Variants in EDIL3 observed in about 807,000 individuals in gnomAD.
EDIL3 encodes EGF-like repeat and discoidin I-like domain-containing protein 3.
In EDIL3, 37 loss-of-function variants were observed where a neutral mutation model predicts 67.4. The ratio of observed to expected loss-of-function variants is 0.55; its 90% CI spans 0.42 to 0.72. The LOEUF is 0.72. Ranked by LOEUF, EDIL3 falls within the 30% of genes least tolerant of loss-of-function variation. The probability of loss-of-function intolerance (pLI) is 0.00; values close to 1 mark genes in which losing one functional copy is unlikely to be tolerated. For synonymous variants in EDIL3, 195 were observed against 196.3 expected (o/e 0.99, Z 0.05); for missense variants, 527 against 586.3 (o/e 0.90, Z 1.04).
chr5:84,102,869 AAAT>A (rs1435938261), intron 6 of EDIL3, among the ~76,000 whole-genome samples: 3 of 151,962 alleles, frequency 2.0e-5, no homozygotes, highest in Non-Finnish European at 1.5e-5. Context: ...CAGAATTAGA[AAAT>A]ACTATCTTAA....
At chr5:84,109,394 T>C (rs1271438977) in intron 5 of EDIL3, among the ~76,000 whole-genome samples, 1 of 152,032 alleles carries the variant, frequency 6.6e-6, no homozygotes, top group Non-Finnish European at 1.5e-5. Flanking sequence ...TAGTCCCAGC[T>C]ACTCAGGAGG....
chr5:83,993,323 C>T (rs74772126), intron 9 of EDIL3, among the ~76,000 whole-genome samples: 4,557 of 152,238 alleles, frequency 0.03, 100 homozygotes, highest in Middle Eastern at 0.048. Context: ...CAGACAAAAG[C>T]CACTGTGCCT....
intron 9 of EDIL3, chr5:84,048,235 G>T (rs1006373186): frequency 4.5e-6 from 2 of 441,842 alleles, no homozygotes; most frequent in Middle Eastern, 6.7e-4. Flanking sequence ...CAGTGGCCTG[G>T]TGGTCACTTA....
At chr5:83,992,113 T>A (rs1745160292) in intron 9 of EDIL3, among the ~76,000 whole-genome samples, 1 of 152,146 alleles carries the variant, frequency 6.6e-6, no homozygotes, top group Non-Finnish European at 1.5e-5. Flanking sequence ...AGTGATTCAA[T>A]CATGCAAGAA....
At chr5:83,961,448 T>A (rs1336777374) in intron 10 of EDIL3, among the ~76,000 whole-genome samples, 1 of 151,156 alleles carries the variant, frequency 6.6e-6, no homozygotes, top group Non-Finnish European at 1.5e-5. Context: ...ATAAGAAAAA[T>A]TAAATTACTC....
intron 2 of EDIL3, among the ~76,000 whole-genome samples, chr5:84,246,360 A>G (rs1744909734): frequency 6.6e-6 from 1 of 152,216 alleles, no homozygotes; most frequent in Admixed American, 6.5e-5. Flanking sequence ...TCAGTTAACC[A>G]TCTTCTATCC....
At chr5:84,250,354 C>T (rs1019180316) in intron 2 of EDIL3, among the ~76,000 whole-genome samples, 1 of 152,034 alleles carries the variant, frequency 6.6e-6, no homozygotes, top group Non-Finnish European at 1.5e-5. Flanking sequence ...ATGCAGTATA[C>T]AGAAATATCA....
intron 4 of EDIL3, among the ~76,000 whole-genome samples, chr5:84,166,983 C>G (rs879547697): frequency 6.6e-6 from 1 of 152,052 alleles, no homozygotes; most frequent in Non-Finnish European, 1.5e-5. Context: ...CGAACAGGAA[C>G]GGGGCATGCC....
chr5:84,344,317 T>C (rs922303354), intron 1 of EDIL3, among the ~76,000 whole-genome samples: 2 of 152,176 alleles, frequency 1.3e-5, no homozygotes, highest in African/African-American at 2.4e-5. Flanking sequence ...TTGACCTGTA[T>C]GATTATTAAT....
intron 5 of EDIL3, among the ~76,000 whole-genome samples, chr5:84,112,541 T>G (rs1747582494): frequency 6.6e-6 from 1 of 152,208 alleles, no homozygotes; most frequent in African/African-American, 2.4e-5. Flanking sequence ...TTGGATTGAA[T>G]GTGGGAGGAT....
intron 6 of EDIL3, among the ~76,000 whole-genome samples, chr5:84,067,128 C>A (rs1580309407): frequency 1.3e-5 from 2 of 152,040 alleles, no homozygotes; most frequent in African/African-American, 4.8e-5. Flanking sequence ...AACAAGTATC[C>A]CTTAAGTTTC....
At chr5:83,998,334 AACAGAAGG>A (rs1745269112) in intron 9 of EDIL3, among the ~76,000 whole-genome samples, 3 of 152,252 alleles carry the variant, frequency 2.0e-5, no homozygotes, top group African/African-American at 7.2e-5. Flanking sequence ...CTCAACCTGG[AACAGAAGG>A]GAACTCGCTA....
In EDIL3 at chr5:84,196,001, A is replaced by G. The variant is rs533966066; in HGVS notation, c.227-15480T>C. On this transcript the variant is annotated intron_variant, in intron 3 of 10. Transcript: ENST00000296591. The stretch of plus-strand genomic sequence containing the variant: ...ACACCTGTGCTTGTCAGACCCTTCA[A>G]TTTTTATAAGAGCATGACATTCCTA... Among the ~76,000 whole-genome samples the G allele has an allele frequency of 5.9e-5, 9 of 151,956 alleles. No individual in the cohort carries two copies. In the East Asian group the frequency reaches 1.2e-3, roughly 20 times the overall value.
At chr5:84,060,694 A>T (rs1746526567) in intron 8 of EDIL3, among the ~76,000 whole-genome samples, 1 of 152,186 alleles carries the variant, frequency 6.6e-6, no homozygotes, top group Non-Finnish European at 1.5e-5. Flanking sequence ...ATTTTGTCTG[A>T]ATATATTTTG....
At chr5:84,268,046 A>G (rs1745385243) in intron 1 of EDIL3, among the ~76,000 whole-genome samples, 1 of 152,206 alleles carries the variant, frequency 6.6e-6, no homozygotes, top group Non-Finnish European at 1.5e-5. Flanking sequence ...CTGAGGCAGG[A>G]GAATTGCTTG....
chr5:84,325,991 T>A (rs1675204625), intron 1 of EDIL3, among the ~76,000 whole-genome samples: 1 of 152,128 alleles, frequency 6.6e-6, no homozygotes, highest in South Asian at 2.1e-4. Flanking sequence ...ATGCAGCAGT[T>A]TTCAGAAGTG....
intron 9 of EDIL3, among the ~76,000 whole-genome samples, chr5:83,993,096 A>T (rs1745178818): frequency 6.6e-6 from 1 of 152,222 alleles, no homozygotes; most frequent in South Asian, 2.1e-4. Context: ...AATTCCAGCA[A>T]GGAAGGAATA....
chr5:84,023,704 T>C (rs1745758672), intron 9 of EDIL3, among the ~76,000 whole-genome samples: 1 of 152,104 alleles, frequency 6.6e-6, no homozygotes, highest in African/African-American at 2.4e-5. Flanking sequence ...AGAGATTTGT[T>C]CTTTTCAAGA....
intron 1 of EDIL3, among the ~76,000 whole-genome samples, chr5:84,271,698 G>C (rs1159674422): frequency 6.6e-5 from 10 of 152,038 alleles, no homozygotes; most frequent in Admixed American, 6.6e-4. Flanking sequence ...TATGTTTCAT[G>C]CTTTTTCAAG....
Sources: allele counts gnomAD v4.1 joint callset (sites outside exome capture counted in the v4.1 genomes callset), GRCh38; gene constraint gnomAD v4.1.1; transcripts MANE v1.5; gene names NCBI Gene and HGNC (gene_info 2026-07-23, HGNC 2026-07-21).